The following CSMD1 variants were observed in gnomAD, a reference collection of about 807,000 sequenced individuals.
The protein encoded by CSMD1 is CUB and Sushi multiple domains 1, also known as CUB and sushi domain-containing protein 1.
Under a neutral mutation model 417.5 loss-of-function variants are expected in CSMD1, and 213 were observed. That is an observed-to-expected ratio of 0.51 (90% CI 0.46 to 0.57). The LOEUF (loss-of-function observed/expected upper bound fraction) is 0.57, where lower values mean the gene tolerates loss of function less well. Ranked by LOEUF, CSMD1 falls within the 20% of genes least tolerant of loss-of-function variation. The pLI, the probability that CSMD1 is intolerant of heterozygous loss-of-function variation, is 0.00. For missense variants in CSMD1, 6,923 were observed against 4,529.7 expected, an observed-to-expected ratio of 1.53 and a Z score of -15.17; for synonymous variants, 2,862 against 1,736.8, an observed-to-expected ratio of 1.65 and a Z score of -16.11.
At chr8:3,636,590 T>C (rs1009832569) in intron 7 of CSMD1, among the ~76,000 whole-genome samples, 1 of 152,190 alleles carries the variant, frequency 6.6e-6, no homozygotes, top group African/African-American at 2.4e-5. Context: ...TGAAACGGAA[T>C]GTGAAAAACA....
At chr8:3,050,358 G>A (rs957548985) in intron 50 of CSMD1, among the ~76,000 whole-genome samples, 3 of 152,078 alleles carry the variant, frequency 2.0e-5, no homozygotes, top group Non-Finnish European at 4.4e-5. Context: ...GTTTTTATGA[G>A]TTTTGTAGAT....
intron 2 of CSMD1, among the ~76,000 whole-genome samples, chr8:4,636,027 A>C (rs2617003): frequency 6.6e-6 from 1 of 151,730 alleles, no homozygotes; most frequent in Non-Finnish European, 1.5e-5. Flanking sequence ...AATATATTTT[A>C]TATTTAACCT....
chr8:3,984,617 G>C (rs1390858683), intron 5 of CSMD1, among the ~76,000 whole-genome samples: 2 of 148,292 alleles, frequency 1.3e-5, no homozygotes, highest in Non-Finnish European at 3.0e-5. Context: ...TACAGCTAGG[G>C]GTTTCATTTG....
chr8:3,540,340 A>T (rs1798385794), intron 10 of CSMD1, among the ~76,000 whole-genome samples: 1 of 152,210 alleles, frequency 6.6e-6, no homozygotes, highest in South Asian at 2.1e-4. Context: ...TTGCATCACA[A>T]CAGTGCCCTA....
At chr8:4,035,159 A>T (rs1797550994) in intron 3 of CSMD1, among the ~76,000 whole-genome samples, 1 of 149,264 alleles carries the variant, frequency 6.7e-6, no homozygotes, top group South Asian at 2.2e-4. Flanking sequence ...GTCCCAGGAG[A>T]TGATGGCGTA....
intron 1 of CSMD1, among the ~76,000 whole-genome samples, chr8:4,782,360 T>C (rs535740750): frequency 1.3e-5 from 2 of 152,208 alleles, no homozygotes; most frequent in African/African-American, 2.4e-5. Context: ...CTACTGATTA[T>C]ACCCCATAAA....
intron 1 of CSMD1, among the ~76,000 whole-genome samples, chr8:4,725,173 C>T (rs1809345533): frequency 6.6e-6 from 1 of 152,014 alleles, no homozygotes; most frequent in Non-Finnish European, 1.5e-5. Flanking sequence ...ACATTAAAAA[C>T]AATAAAAGTC....
intron 3 of CSMD1, among the ~76,000 whole-genome samples, chr8:4,038,350 A>G (rs180878941): frequency 7.7e-4 from 117 of 152,298 alleles, no homozygotes; most frequent in Middle Eastern, 3.4e-3. Flanking sequence ...CAATTTTACT[A>G]AAAAATCAAA....
chr8:4,133,614 C>A (rs1189793988), intron 3 of CSMD1, among the ~76,000 whole-genome samples: 1 of 152,090 alleles, frequency 6.6e-6, no homozygotes, highest in Non-Finnish European at 1.5e-5. Context: ...TCATGCTAAG[C>A]ATTGTACTAG....
chr8:4,234,369 G>T (rs924414305), intron 3 of CSMD1, among the ~76,000 whole-genome samples: 1 of 152,000 alleles, frequency 6.6e-6, no homozygotes, highest in Non-Finnish European at 1.5e-5. Context: ...TGCAGGAGTG[G>T]AAGATGTGTG....
chr8:4,469,565 C>G (rs1800400655), intron 2 of CSMD1, among the ~76,000 whole-genome samples: 1 of 152,158 alleles, frequency 6.6e-6, no homozygotes, highest in South Asian at 2.1e-4. Context: ...CCTATTCTTT[C>G]AGTAGCTTGT....
chr8:3,370,136 T>C (rs1563319650), intron 18 of CSMD1, among the ~76,000 whole-genome samples: 1 of 152,194 alleles, frequency 6.6e-6, no homozygotes, highest in Non-Finnish European at 1.5e-5. Context: ...TCTTAAGATA[T>C]CAATAATTTA....
intron 50 of CSMD1, among the ~76,000 whole-genome samples, chr8:3,047,493 C>T (rs73488443): frequency 0.13 from 19,345 of 152,166 alleles, 1,637 homozygotes; most frequent in East Asian, 0.37. Flanking sequence ...CGCTCCAGGA[C>T]GCTCAGTGAG....
chr8:3,302,410 C>A (rs995428104), intron 25 of CSMD1, among the ~76,000 whole-genome samples: 1 of 152,194 alleles, frequency 6.6e-6, no homozygotes, highest in African/African-American at 2.4e-5. Flanking sequence ...TAAGGTCTCT[C>A]CGCACAGCAG....
chr8:3,480,308 G>A (rs1243761149), intron 11 of CSMD1, among the ~76,000 whole-genome samples: 1 of 152,166 alleles, frequency 6.6e-6, no homozygotes, highest in Non-Finnish European at 1.5e-5. Context: ...GATGCATTGA[G>A]CACAGATCGT....
chr8:3,546,529 C>CATCAA (rs146051959), intron 10 of CSMD1, among the ~76,000 whole-genome samples: 103 of 131,236 alleles, frequency 7.8e-4, no homozygotes, highest in African/African-American at 3.4e-3. Flanking sequence ...AGTGAGACTC[C>CATCAA]AAAAAAAAAG....
At chr8:3,515,638 G>A (rs1333697540) in intron 10 of CSMD1, among the ~76,000 whole-genome samples, 1 of 152,212 alleles carries the variant, frequency 6.6e-6, no homozygotes. Context: ...CAGGCCACTG[G>A]AAATGTGGCC....
chr8:3,230,152 G>T lies in CSMD1; in HGVS notation c.4233C>A (p.Asp1411Glu). The change falls in exon 27 of 70, where the codon GAC becomes GAA. Residue 1411 changes from aspartate to glutamate, a missense_variant. Physicochemically the swap from Asp to Glu is conservative, Grantham distance 45. Transcript: ENST00000635120. Reference protein sequence around the residue: ...TRYGDSREAGDTVTFQCDPGY... With the variant: ...TRYGDSREAGETVTFQCDPGY... ...CAGGGTCACACTGGAATGTGACGGTGTCTCCAGCCTCTCTGCTGTCTCCAT... is the reference window on the plus strand; with the variant it reads ...CAGGGTCACACTGGAATGTGACGGTTTCTCCAGCCTCTCTGCTGTCTCCAT... 6.2e-7 allele frequency: 1 copy of T among 1,613,674 alleles called. No homozygotes were observed. The highest frequency in any genetic ancestry group is 8.5e-7 in the Non-Finnish European group (1 of 1,179,754).
intron 1 of CSMD1, among the ~76,000 whole-genome samples, chr8:4,915,093 G>A (rs542472985): frequency 1.3e-5 from 2 of 152,122 alleles, no homozygotes; most frequent in Non-Finnish European, 2.9e-5. Flanking sequence ...ATGTAATATG[G>A]TCAGGCCGAG....
Sources: allele counts gnomAD v4.1 joint callset (sites outside exome capture counted in the v4.1 genomes callset), GRCh38; gene constraint gnomAD v4.1.1; transcripts MANE v1.5; gene names NCBI Gene and HGNC (gene_info 2026-07-23, HGNC 2026-07-21).